The following PLCL1 variants were observed in gnomAD, a reference collection of about 807,000 sequenced individuals.
PLCL1 encodes phospholipase C like 1 (inactive), also known as inactive phospholipase C-like protein 1.
In PLCL1, 41 loss-of-function variants were observed where a neutral mutation model predicts 84.4. That is an observed-to-expected ratio of 0.49 (90% CI 0.38 to 0.63). PLCL1 has a LOEUF of 0.63. Among genes scored for constraint, PLCL1 ranks in the 30% least tolerant of loss-of-function variants. The probability of loss-of-function intolerance (pLI) is 0.00; values close to 1 mark genes in which losing one functional copy is unlikely to be tolerated. For synonymous variants in PLCL1, 490 were observed against 488.3 expected, an observed-to-expected ratio of 1.00 and a Z score of -0.05; for missense variants, 1,206 against 1,367.8, an observed-to-expected ratio of 0.88 and a Z score of 1.87.
chr2:198,136,036 CT>C lies in PLCL1; in HGVS notation c.3106-10737del, dbSNP rs574579109. ...GTCATTTTTATTTTAAACATGGGGTCTTTTTTTGGACTAATGAGTAATGCAA... is the reference window on the plus strand; with the variant it reads ...GTCATTTTTATTTTAAACATGGGGTCTTTTTTGGACTAATGAGTAATGCAA... On this transcript the variant is annotated intron_variant, in intron 5 of 5. Coordinates refer to ENST00000428675, the MANE Select transcript of PLCL1 (RefSeq NM_006226.4). Among the ~76,000 whole-genome samples the C allele has an allele frequency of 2.4e-4, 36 of 152,078 alleles. No individual in the cohort carries two copies. In the South Asian group the frequency reaches 4.6e-3, roughly 19 times the overall value.
At chr2:198,107,390 G>C (rs937642538) in intron 5 of PLCL1, among the ~76,000 whole-genome samples, 7 of 151,848 alleles carry the variant, frequency 4.6e-5, no homozygotes, top group African/African-American at 1.7e-4. Context: ...CCTAGTGCAG[G>C]AATAAGAATG....
chr2:197,900,499 A>G (rs1413340232), intron 1 of PLCL1, among the ~76,000 whole-genome samples: 1 of 152,202 alleles, frequency 6.6e-6, no homozygotes, highest in Non-Finnish European at 1.5e-5. Flanking sequence ...GAGTATAAAT[A>G]TTCAGAAACA....
intron 1 of PLCL1, among the ~76,000 whole-genome samples, chr2:198,014,292 G>C (rs1446930171): frequency 6.6e-6 from 1 of 152,074 alleles, no homozygotes; most frequent in Non-Finnish European, 1.5e-5. Context: ...TGTAACAATA[G>C]CTTATTAGTG....
At chr2:198,101,825 C>G (rs985365846) in intron 4 of PLCL1, among the ~76,000 whole-genome samples, 2 of 152,020 alleles carry the variant, frequency 1.3e-5, no homozygotes, top group Non-Finnish European at 2.9e-5. Flanking sequence ...AGTCACATAT[C>G]TGTGAGAGTG....
intron 1 of PLCL1, among the ~76,000 whole-genome samples, chr2:198,072,941 G>C (rs1381752279): frequency 6.6e-6 from 1 of 152,108 alleles, no homozygotes; most frequent in African/African-American, 2.4e-5. Flanking sequence ...GTTTTACAAA[G>C]TACTTTAGCA....
intron 2 of PLCL1, among the ~76,000 whole-genome samples, chr2:198,086,914 T>C (rs951095350): frequency 2.5e-4 from 38 of 152,180 alleles, no homozygotes; most frequent in African/African-American, 9.2e-4. Context: ...AGTGTATATA[T>C]AACATATTTG....
chr2:197,920,478 T>C (rs1280385866), intron 1 of PLCL1, among the ~76,000 whole-genome samples: 1 of 152,168 alleles, frequency 6.6e-6, no homozygotes, highest in African/African-American at 2.4e-5. Context: ...CTTCATATTT[T>C]GAAAAAATTA....
chr2:197,975,867 T>C (rs998183786), intron 1 of PLCL1, among the ~76,000 whole-genome samples: 4 of 152,030 alleles, frequency 2.6e-5, no homozygotes, highest in African/African-American at 9.7e-5. Context: ...AAAAGTCCCC[T>C]GAAGTATACA....
At chr2:197,915,281 C>T (rs1038019035) in intron 1 of PLCL1, among the ~76,000 whole-genome samples, 9 of 152,148 alleles carry the variant, frequency 5.9e-5, no homozygotes, top group East Asian at 1.9e-4. Flanking sequence ...GAAGTGATAG[C>T]GGTGTCAACA....
chr2:197,945,610 A>C (rs1391986557), intron 1 of PLCL1, among the ~76,000 whole-genome samples: 2 of 152,142 alleles, frequency 1.3e-5, no homozygotes, highest in African/African-American at 4.8e-5. Context: ...CTGCTCTGTC[A>C]ATTGCTGATT....
intron 1 of PLCL1, among the ~76,000 whole-genome samples, chr2:197,972,855 C>T (rs144109192): frequency 2.0e-4 from 30 of 152,266 alleles, no homozygotes; most frequent in East Asian, 7.7e-4. Context: ...TAGACATGAT[C>T]GAAAACTAGG....
At chr2:198,116,919 CAGT>C (rs1338683265) in intron 5 of PLCL1, among the ~76,000 whole-genome samples, 1 of 151,812 alleles carries the variant, frequency 6.6e-6, no homozygotes, top group Non-Finnish European at 1.5e-5. Context: ...ATTTTTGAGT[CAGT>C]TATACTGAGG....
intron 1 of PLCL1, among the ~76,000 whole-genome samples, chr2:197,970,726 A>G (rs1247269538): frequency 6.6e-6 from 1 of 152,202 alleles, no homozygotes; most frequent in Non-Finnish European, 1.5e-5. Flanking sequence ...TGAAGACAAG[A>G]GTTGTATCCG....
At chr2:197,972,933 G>T (rs974351159) in intron 1 of PLCL1, among the ~76,000 whole-genome samples, 4 of 152,164 alleles carry the variant, frequency 2.6e-5, no homozygotes, top group African/African-American at 7.2e-5. Context: ...CAGAAGGGTT[G>T]TAGTGATTGA....
chr2:197,922,815 C>G (rs1467276865), intron 1 of PLCL1, among the ~76,000 whole-genome samples: 1 of 127,578 alleles, frequency 7.8e-6, no homozygotes. Flanking sequence ...GGCGGCTGGC[C>G]GGGCAGAGGG....
At chr2:197,924,534 T>G (rs1688796253) in intron 1 of PLCL1, among the ~76,000 whole-genome samples, 1 of 152,094 alleles carries the variant, frequency 6.6e-6, no homozygotes, top group Non-Finnish European at 1.5e-5. Context: ...TATCACTCTA[T>G]TTAATCTTTA....
At position 197,805,917 on chromosome 2, in the gene PLCL1, T is replaced by A. The variant is rs1433386186; in HGVS notation, c.240+578T>A. Among the ~76,000 whole-genome samples the A allele has an allele frequency of 6.6e-6, 1 of 152,094 alleles. No individual in the cohort carries two copies. Among genetic ancestry groups the A allele is most frequent in the Non-Finnish European group, 1.5e-5 (1 of 68,006 alleles). On this transcript the variant is annotated intron_variant, in intron 1 of 5. Transcript: ENST00000428675. This position sits in a 1 kb window ranked among gnomAD's most constrained non-coding sequence, Gnocchi z 4.0. ...GAAAGCACAACCGGAAAGCAATCAATCCCCCAAGCATTATCACTGGTCCTT... is the reference window on the plus strand; with the variant it reads ...GAAAGCACAACCGGAAAGCAATCAAACCCCCAAGCATTATCACTGGTCCTT...
intron 1 of PLCL1, among the ~76,000 whole-genome samples, chr2:197,865,733 C>T (rs1687515971): frequency 6.6e-6 from 1 of 151,814 alleles, no homozygotes; most frequent in African/African-American, 2.4e-5. Flanking sequence ...ACAGTTTAAG[C>T]TGGACATAGT....
intron 1 of PLCL1, among the ~76,000 whole-genome samples, chr2:198,013,976 G>A (rs1690931740): frequency 6.6e-6 from 1 of 152,030 alleles, no homozygotes; most frequent in Non-Finnish European, 1.5e-5. Context: ...TATGGCCACA[G>A]CTTTTGTTCC....
Sources: allele counts gnomAD v4.1 joint callset (sites outside exome capture counted in the v4.1 genomes callset), GRCh38; gene constraint gnomAD v4.1.1; non-coding constraint Gnocchi (gnomAD v3.1); transcripts MANE v1.5; gene names NCBI Gene and HGNC (gene_info 2026-07-23, HGNC 2026-07-21).